Variants in PAPSS1 observed in about 807,000 individuals in gnomAD.
PAPSS1 encodes bifunctional 3'-phosphoadenosine 5'-phosphosulfate synthase 1.
Under a neutral mutation model 72.0 loss-of-function variants are expected in PAPSS1, and 50 were observed. That is an observed-to-expected ratio of 0.69 (90% CI 0.55 to 0.88). The LOEUF (loss-of-function observed/expected upper bound fraction) is 0.88, where lower values mean the gene tolerates loss of function less well. Among genes scored for constraint, PAPSS1 ranks in the 40% least tolerant of loss-of-function variants. The pLI is 0.00. For missense variants in PAPSS1, 657 were observed against 782.2 expected (o/e 0.84, Z 1.91); for synonymous variants, 261 against 263.6 (o/e 0.99, Z 0.09).
Position 107,660,074 on chromosome 4 carries a change from T to G in PAPSS1, c.670-2A>C. 2.2e-6 allele frequency: 3 copies of G among 1,374,996 alleles called. No individual in the cohort carries two copies. Among genetic ancestry groups the G allele is most frequent in the Non-Finnish European group, 2.0e-6 (2 of 979,552 alleles). The allele number at this position is 1,374,996 out of a possible 1,614,324, so 85.2% of individuals were successfully genotyped here. On this transcript the variant is annotated splice_acceptor_variant, in intron 5 of 11. Coordinates refer to ENST00000265174, the MANE Select transcript of PAPSS1 (RefSeq NM_005443.5). LOFTEE classifies it high-confidence loss of function. ...AGATGCATCCACAGGTACAATATCC[T>G]ATATAACAACAGGAGTACAATTTAA...
chr4:107,692,321 G>A (rs1396571013), intron 3 of PAPSS1, among the ~76,000 whole-genome samples: 1 of 152,034 alleles, frequency 6.6e-6, no homozygotes, highest in Admixed American at 6.6e-5. Flanking sequence ...TAAAAAGTGG[G>A]CAAAGGGTAT....
chr4:107,710,107 CT>C (rs1397159583), intron 1 of PAPSS1, among the ~76,000 whole-genome samples: 3 of 152,160 alleles, frequency 2.0e-5, no homozygotes, highest in African/African-American at 7.2e-5. Context: ...TATAATTCTG[CT>C]GAGGAAACAT....
At chr4:107,708,290 A>G (rs1723391653) in intron 1 of PAPSS1, among the ~76,000 whole-genome samples, 1 of 152,202 alleles carries the variant, frequency 6.6e-6, no homozygotes, top group African/African-American at 2.4e-5. Flanking sequence ...TCAGAAGTAG[A>G]CATTTGTATA....
intron 4 of PAPSS1, among the ~76,000 whole-genome samples, chr4:107,684,106 T>C (rs546679963): frequency 9.2e-5 from 14 of 152,322 alleles, no homozygotes; most frequent in African/African-American, 3.4e-4. Context: ...CTCCCAGTTA[T>C]AGAGTACAAA....
chr4:107,670,930 T>C (rs1213609128), intron 5 of PAPSS1, among the ~76,000 whole-genome samples: 1 of 152,200 alleles, frequency 6.6e-6, no homozygotes, highest in African/African-American at 2.4e-5. Flanking sequence ...GACTACACTT[T>C]AGAAAGATTA....
At chr4:107,616,265 T>G (rs1725820873) in intron 11 of PAPSS1, among the ~76,000 whole-genome samples, 1 of 152,180 alleles carries the variant, frequency 6.6e-6, no homozygotes, top group South Asian at 2.1e-4. Flanking sequence ...GATCATTTCA[T>G]CAATTATCAA....
intron 11 of PAPSS1, among the ~76,000 whole-genome samples, chr4:107,631,400 T>C (rs915088700): frequency 6.6e-6 from 1 of 152,206 alleles, no homozygotes; most frequent in African/African-American, 2.4e-5. Context: ...AATAACAATA[T>C]TGTCCTTACA....
At chr4:107,643,716 T>C (rs1726619084) in intron 10 of PAPSS1, among the ~76,000 whole-genome samples, 1 of 152,172 alleles carries the variant, frequency 6.6e-6, no homozygotes, top group South Asian at 2.1e-4. Flanking sequence ...TTCTGGGTGA[T>C]GATAAAAAAT....
intron 11 of PAPSS1, among the ~76,000 whole-genome samples, chr4:107,618,520 G>GA (rs1220835516): frequency 3.9e-5 from 6 of 151,942 alleles, no homozygotes; most frequent in Admixed American, 3.3e-4. Flanking sequence ...AGCCCAGGAT[G>GA]AAGACACAGG....
At chr4:107,682,301 T>G (rs72883598) in intron 4 of PAPSS1, among the ~76,000 whole-genome samples, 168 bp from the exon 5 acceptor site, 5,722 of 152,212 alleles carry the variant, frequency 0.038, 332 homozygotes, top group African/African-American at 0.13. Flanking sequence ...TAAACTTTTT[T>G]TTTTCCTGCA....
chr4:107,719,630 A>T (rs990291142), intron 1 of PAPSS1, among the ~76,000 whole-genome samples: 1 of 152,236 alleles, frequency 6.6e-6, no homozygotes, highest in Non-Finnish European at 1.5e-5. Context: ...AAATGGAAAG[A>T]CACGGAGATG....
chr4:107,649,777 A>AC (rs1216557268), intron 9 of PAPSS1, among the ~76,000 whole-genome samples: 2 of 152,238 alleles, frequency 1.3e-5, no homozygotes, highest in Non-Finnish European at 1.5e-5. Context: ...ACACTGTACT[A>AC]CCACACACTA....
chr4:107,652,854 ATGCGCAGTGT>A, intron 9 of PAPSS1, among the ~76,000 whole-genome samples: 1 of 152,202 alleles, frequency 6.6e-6, no homozygotes, highest in South Asian at 2.1e-4. Context: ...AAGTATTTCT[ATGCGCAGTGT>A]TGTTTCTTTT....
chr4:107,626,525 T>C (rs1215937436), intron 11 of PAPSS1, among the ~76,000 whole-genome samples: 2 of 152,224 alleles, frequency 1.3e-5, no homozygotes, highest in South Asian at 2.1e-4. Flanking sequence ...GTGCCTATTA[T>C]AACTAATTTG....
At chr4:107,701,128 G>T in intron 2 of PAPSS1, 43 bp downstream of exon 2, 2 of 1,307,072 alleles carry the variant, frequency 1.5e-6, no homozygotes, top group Non-Finnish European at 2.2e-6. Flanking sequence ...TTACCTATAT[G>T]CACTGCTTTT....
At chr4:107,708,349 G>C (rs1723393254) in intron 1 of PAPSS1, among the ~76,000 whole-genome samples, 2 of 152,128 alleles carry the variant, frequency 1.3e-5, no homozygotes, top group South Asian at 4.1e-4. Context: ...ATTGATACTG[G>C]CTAAGGAGGA....
chr4:107,719,706 G>C, intron 1 of PAPSS1: 1 of 727,596 alleles, frequency 1.4e-6, no homozygotes, highest in African/African-American at 1.9e-5. Flanking sequence ...GAAGGCGCCC[G>C]CCTCCGCCTT....
intron 1 of PAPSS1, 177 bp downstream of exon 1, chr4:107,719,943 C>T: frequency 1.4e-6 from 2 of 1,385,100 alleles, no homozygotes; most frequent in Non-Finnish European, 1.9e-6. Context: ...CTGCGCCGCG[C>T]CCCTCTGCCT....
intron 5 of PAPSS1, among the ~76,000 whole-genome samples, chr4:107,679,271 C>T (rs1727738578): frequency 6.6e-6 from 1 of 152,048 alleles, no homozygotes; most frequent in Admixed American, 6.6e-5. Flanking sequence ...AAGACTCCTT[C>T]TGTGGTACAG....
Sources: allele counts gnomAD v4.1 joint callset (sites outside exome capture counted in the v4.1 genomes callset), GRCh38; gene constraint gnomAD v4.1.1; transcripts MANE v1.5; gene names NCBI Gene and HGNC (gene_info 2026-07-23, HGNC 2026-07-21).